MTHFD1L: variants seen among roughly 807,000 people sequenced by gnomAD.
MTHFD1L encodes the protein methylenetetrahydrofolate dehydrogenase (NADP+ dependent) 1 like, also known as monofunctional C1-tetrahydrofolate synthase, mitochondrial.
MTHFD1L carries 81 observed loss-of-function variants against 119.5 expected under a neutral mutation model. That is an observed-to-expected ratio of 0.68 (90% CI 0.57 to 0.82). The LOEUF is 0.82. Among genes scored for constraint, MTHFD1L ranks in the 40% least tolerant of loss-of-function variants. MTHFD1L has a pLI of 0.00. For missense variants in MTHFD1L, 1,125 were observed against 1,253.4 expected (o/e 0.90, Z 1.55); for synonymous variants, 430 against 475.2 (o/e 0.90, Z 1.24).
At chr6:151,100,277 C>T (rs1012873938) in intron 27 of MTHFD1L, among the ~76,000 whole-genome samples, 1 of 152,052 alleles carries the variant, frequency 6.6e-6, no homozygotes, top group East Asian at 1.9e-4. Context: ...ACCTCGTGAT[C>T]CACCCGTGAG....
intron 27 of MTHFD1L, among the ~76,000 whole-genome samples, chr6:151,093,394 G>A (rs1794619010): frequency 1.6e-5 from 1 of 61,428 alleles, no homozygotes; most frequent in Admixed American, 1.7e-4. Context: ...TTCCAAATAA[G>A]ATCACTCTCA....
At chr6:150,912,798 T>A (rs919358006) in intron 8 of MTHFD1L, 23 of 409,602 alleles carry the variant, frequency 5.6e-5, no homozygotes, top group Non-Finnish European at 1.1e-4. Flanking sequence ...TCGGATGAGA[T>A]CCTCGTTGGA....
intron 10 of MTHFD1L, among the ~76,000 whole-genome samples, chr6:150,924,931 G>A (rs60858058): frequency 0.085 from 12,967 of 152,090 alleles, 740 homozygotes; most frequent in African/African-American, 0.16. Context: ...AATACTCAGC[G>A]GTACTTGAGG....
chr6:151,084,517 G>T (rs983959179), intron 26 of MTHFD1L, among the ~76,000 whole-genome samples: 2 of 152,172 alleles, frequency 1.3e-5, no homozygotes. Flanking sequence ...GGCCCCAAGC[G>T]ATCCTCCCAC....
chr6:151,004,058 T>C (rs1041005432), intron 20 of MTHFD1L, among the ~76,000 whole-genome samples: 1 of 148,596 alleles, frequency 6.7e-6, no homozygotes, highest in African/African-American at 2.5e-5. Flanking sequence ...TACTTTAAAA[T>C]CTGAGTCCTG....
rs78746195 is a variant in MTHFD1L, at chr6:150,885,926, T to A, written c.643+192T>A. Among the ~76,000 whole-genome samples, 582 of 152,318 alleles carry A rather than the reference T, an allele frequency of 3.8e-3. 5 individuals carry two copies. Among genetic ancestry groups the A allele is most frequent in the African/African-American group, 0.013 (531 of 41,570 alleles). On this transcript the variant is annotated intron_variant, in intron 6 of 27. Coordinates refer to ENST00000367321, the MANE Select transcript of MTHFD1L (RefSeq NM_015440.5). ...ACGTTGACTTTTTTTATTTTTCTCA[T>A]CTTTTGGGAGATACAGATGAATACC...
chr6:150,951,591 A>G (rs1194197800), intron 16 of MTHFD1L, among the ~76,000 whole-genome samples: 3 of 152,184 alleles, frequency 2.0e-5, no homozygotes, highest in Non-Finnish European at 2.9e-5. Flanking sequence ...CATTTTAAAT[A>G]CTCTAGAATA....
At chr6:150,956,699 A>G (rs1795696466) in intron 17 of MTHFD1L, among the ~76,000 whole-genome samples, 1 of 152,060 alleles carries the variant, frequency 6.6e-6, no homozygotes, top group Admixed American at 6.6e-5. Context: ...TTTTGAATTG[A>G]TTATAAACTG....
At chr6:150,946,199 GAGTGC>G (rs1793911020) in intron 15 of MTHFD1L, among the ~76,000 whole-genome samples, 1 of 152,066 alleles carries the variant, frequency 6.6e-6, no homozygotes, top group African/African-American at 2.4e-5. Context: ...GCCCAGGCTG[GAGTGC>G]AGTGGCATGA....
At chr6:151,034,382 G>T in intron 24 of MTHFD1L, 111 bp from the exon 25 acceptor site, 2 of 724,448 alleles carry the variant, frequency 2.8e-6, no homozygotes, top group South Asian at 1.7e-5. Context: ...TGCTGAGGGG[G>T]TACTCTGATA....
chr6:150,993,199 C>A (rs1474337940), intron 20 of MTHFD1L, among the ~76,000 whole-genome samples: 1 of 152,164 alleles, frequency 6.6e-6, no homozygotes, highest in Non-Finnish European at 1.5e-5. Context: ...CATGATATAA[C>A]TTCTAAAAAT....
chr6:150,874,697 G>C (rs1780109811), intron 1 of MTHFD1L, among the ~76,000 whole-genome samples: 1 of 152,204 alleles, frequency 6.6e-6, no homozygotes, highest in Non-Finnish European at 1.5e-5. Context: ...CATATCATAG[G>C]GTGGTGGCGA....
intron 7 of MTHFD1L, among the ~76,000 whole-genome samples, chr6:150,900,656 C>G (rs943605841): frequency 5.9e-5 from 9 of 152,316 alleles, no homozygotes; most frequent in Non-Finnish European, 1.2e-4. Context: ...GAGGAATCTT[C>G]CTAAAACACA....
At chr6:150,949,206 C>A in intron 16 of MTHFD1L, 73 bp downstream of exon 16, 2 of 1,170,064 alleles carry the variant, frequency 1.7e-6, no homozygotes, top group South Asian at 1.3e-5. Context: ...CGCTTAAATT[C>A]AGAAACTTAC....
Position 150,885,625 on chromosome 6 carries a change from C to T in MTHFD1L, c.543-9C>T. 2.5e-6 allele frequency: 4 copies of T among 1,609,848 alleles called. No homozygotes were observed. Among genetic ancestry groups the T allele is most frequent in the East Asian group, 2.2e-5 (1 of 44,762 alleles). ...TTGACTTAACCTACTTCTTTATTTT[C>T]TGATTCAGAGTAACAGACATAAACC... is the stretch of plus-strand genomic sequence containing the variant. On this transcript the variant is annotated splice_polypyrimidine_tract_variant and intron_variant, in intron 5 of 27. Transcript: ENST00000367321.
At chr6:150,916,581 G>A (rs539383306) in intron 8 of MTHFD1L, among the ~76,000 whole-genome samples, 3 of 144,862 alleles carry the variant, frequency 2.1e-5, no homozygotes, top group South Asian at 2.2e-4. Flanking sequence ...CACCCTACTC[G>A]GCCTCCTAGA....
At chr6:150,947,172 G>A (rs1388816127) in intron 15 of MTHFD1L, among the ~76,000 whole-genome samples, 3 of 150,406 alleles carry the variant, frequency 2.0e-5, no homozygotes, top group Non-Finnish European at 4.4e-5. Context: ...ATCTCGGCTC[G>A]CTGCAACCTC....
At chr6:151,057,772 T>C (rs1790156437) in intron 26 of MTHFD1L, among the ~76,000 whole-genome samples, 1 of 152,162 alleles carries the variant, frequency 6.6e-6, no homozygotes, top group South Asian at 2.1e-4. Flanking sequence ...GAGAGCCGTA[T>C]GCATGACCTT....
intron 24 of MTHFD1L, among the ~76,000 whole-genome samples, chr6:151,019,787 C>A (rs1783692419): frequency 6.6e-6 from 1 of 152,210 alleles, no homozygotes; most frequent in Admixed American, 6.5e-5. Flanking sequence ...CATCTAAGAC[C>A]ATTTACAGTC....
Sources: allele counts gnomAD v4.1 joint callset (sites outside exome capture counted in the v4.1 genomes callset), GRCh38; gene constraint gnomAD v4.1.1; transcripts MANE v1.5; gene names NCBI Gene and HGNC (gene_info 2026-07-23, HGNC 2026-07-21).